SFMBT1: variants seen among roughly 807,000 people sequenced by gnomAD.
The protein encoded by SFMBT1 is scm-like with four MBT domains protein 1.
SFMBT1 carries 32 observed loss-of-function variants against 108.7 expected under a neutral mutation model. The observed-to-expected ratio is 0.29, with a 90% CI of 0.22 to 0.40. The LOEUF (loss-of-function observed/expected upper bound fraction) is 0.40, where lower values mean the gene tolerates loss of function less well. Ranked by LOEUF, SFMBT1 falls within the 10% of genes least tolerant of loss-of-function variation. The pLI, the probability that SFMBT1 is intolerant of heterozygous loss-of-function variation, is 1.00. For missense variants in SFMBT1, 816 were observed against 1,059.6 expected (o/e 0.77, Z 3.19); for synonymous variants, 348 against 369.5 (o/e 0.94, Z 0.67).
rs535696365 is a variant in SFMBT1, at chr3:52,993,360, C to T, written c.-130-24102G>A. On this transcript the variant is annotated intron_variant, in intron 1 of 20. Coordinates refer to ENST00000394752, the MANE Select transcript of SFMBT1 (RefSeq NM_016329.4). The stretch of plus-strand genomic sequence containing the variant: ...TAAAAGTCCATTTTAAACCAAATTA[C>T]TTCAAAATTTGACCTATATTACATC... 4.2e-4 allele frequency among the ~76,000 whole-genome samples: 63 copies of T among 150,302 alleles called. 1 individual carries two copies. Among genetic ancestry groups the T allele is most frequent in the African/African-American group, 1.5e-3 (61 of 41,416 alleles).
chr3:52,980,729 C>T (rs1195621327), intron 1 of SFMBT1, among the ~76,000 whole-genome samples: 1 of 151,742 alleles, frequency 6.6e-6, no homozygotes, highest in Non-Finnish European at 1.5e-5. Flanking sequence ...GCAAAAACCT[C>T]GCATTTTGTG....
chr3:53,036,212 T>G (rs1216470033), intron 1 of SFMBT1, among the ~76,000 whole-genome samples: 1 of 152,222 alleles, frequency 6.6e-6, no homozygotes, highest in East Asian at 1.9e-4. Context: ...CCGCCAGTCC[T>G]GCCTGGGAGG....
chr3:52,993,455 C>T (rs1222592139), intron 1 of SFMBT1, among the ~76,000 whole-genome samples: 1 of 150,204 alleles, frequency 6.7e-6, no homozygotes, highest in Non-Finnish European at 1.5e-5. Context: ...CTTTATAAAA[C>T]ACATAATCTT....
At chr3:53,033,765 A>G (rs1209784803) in intron 1 of SFMBT1, among the ~76,000 whole-genome samples, 1 of 147,928 alleles carries the variant, frequency 6.8e-6, no homozygotes, top group Non-Finnish European at 1.5e-5. Flanking sequence ...CACACCAAAA[A>G]AGACAAAAAA....
At chr3:53,024,546 C>T (rs377468607) in intron 1 of SFMBT1, among the ~76,000 whole-genome samples, 171 of 152,326 alleles carry the variant, frequency 1.1e-3, no homozygotes, top group Middle Eastern at 6.8e-3. Context: ...ATCTGACTCA[C>T]TTGCTAACAG....
At position 53,023,714 on chromosome 3, in the gene SFMBT1, G is replaced by A. The variant is rs960050304; in HGVS notation, c.-131+22102C>T. 2.0e-5 allele frequency among the ~76,000 whole-genome samples: 3 copies of A among 152,198 alleles called. No homozygotes were observed. The South Asian group carries it at 6.2e-4, about 31-fold the overall frequency. The stretch of plus-strand genomic sequence containing the variant: ...GTTGCAGCGAACTCCAGTAGCATCA[G>A]TGAGAAATGCGGGTTTGTGGGCTCT... On this transcript the variant is annotated intron_variant, in intron 1 of 20. Coordinates refer to ENST00000394752, the MANE Select transcript of SFMBT1 (RefSeq NM_016329.4).
chr3:52,977,239 G>A (rs1001420548), intron 1 of SFMBT1, among the ~76,000 whole-genome samples: 3 of 152,128 alleles, frequency 2.0e-5, no homozygotes, highest in Admixed American at 6.5e-5. Flanking sequence ...GGCTGGGAGC[G>A]GTGGCTAACG....
intron 1 of SFMBT1, among the ~76,000 whole-genome samples, chr3:52,985,372 A>G (rs1704868651): frequency 6.6e-6 from 1 of 152,252 alleles, no homozygotes; most frequent in South Asian, 2.1e-4. Flanking sequence ...TTTATCAAGA[A>G]AAAAGAAAAG....
chr3:52,907,888 G>A (rs991406090), intron 17 of SFMBT1, among the ~76,000 whole-genome samples, 155 bp from the exon 18 acceptor site: 4 of 152,046 alleles, frequency 2.6e-5, no homozygotes, highest in Admixed American at 1.3e-4. Flanking sequence ...TGAAGTGCAC[G>A]GTTTGACTAG....
rs1700221485 is a variant in SFMBT1, at chr3:53,045,840, C to G, written c.-155G>C. On this transcript the variant is annotated 5_prime_UTR_variant, in exon 1 of 21. Transcript: ENST00000394752. Reference sequence around the variant, plus strand: ...CCTGCCCGGAGTTTTCGCGCGCGCGCTCGCTCGATCGCTCGCTTTTCCCCC... The same window carrying G: ...CCTGCCCGGAGTTTTCGCGCGCGCGGTCGCTCGATCGCTCGCTTTTCCCCC... The G allele has an allele frequency of 6.6e-6, 1 of 150,676 alleles. No individual in the cohort carries two copies. The highest frequency in any genetic ancestry group is 3.4e-3 in the Middle Eastern group (1 of 294). 9.3% of individuals were successfully genotyped at this position (150,676 alleles called of 1,614,324 possible). A position where few individuals can be genotyped will look rare whatever the true frequency, so the allele number is the denominator to read the frequency against.
At chr3:52,924,750 T>C (rs1290743012) in intron 10 of SFMBT1, among the ~76,000 whole-genome samples, 2 of 152,166 alleles carry the variant, frequency 1.3e-5, no homozygotes, top group Admixed American at 1.3e-4. Context: ...TGGAGGTTGC[T>C]AAGAGGGATG....
intron 2 of SFMBT1, among the ~76,000 whole-genome samples, chr3:52,967,861 T>C (rs1389475774): frequency 6.6e-6 from 1 of 152,198 alleles, no homozygotes; most frequent in Admixed American, 6.5e-5. Context: ...AGAACTCTCA[T>C]ATACTGCTGG....
chr3:52,970,938 A>G (rs997970580), intron 1 of SFMBT1, among the ~76,000 whole-genome samples: 1 of 152,306 alleles, frequency 6.6e-6, no homozygotes, highest in East Asian at 1.9e-4. Context: ...GTGAAAGACC[A>G]GCCTGGGCAA....
At chr3:53,033,008 C>T (rs1699738436) in intron 1 of SFMBT1, among the ~76,000 whole-genome samples, 1 of 152,102 alleles carries the variant, frequency 6.6e-6, no homozygotes, top group Non-Finnish European at 1.5e-5. Context: ...AAAGACTCTG[C>T]CTTTTGAAGT....
chr3:52,962,657 T>G (rs568506833), intron 2 of SFMBT1, among the ~76,000 whole-genome samples: 1 of 151,932 alleles, frequency 6.6e-6, no homozygotes, highest in East Asian at 1.9e-4. Flanking sequence ...AATACAAAAA[T>G]TAGCCAGGTG....
chr3:52,935,876 T>TA (rs1241196364), intron 4 of SFMBT1, among the ~76,000 whole-genome samples: 1 of 152,172 alleles, frequency 6.6e-6, no homozygotes, highest in African/African-American at 2.4e-5. Flanking sequence ...TACTCCACAT[T>TA]TATTGAGACC....
At chr3:52,946,346 T>TC (rs1404546337) in intron 3 of SFMBT1, among the ~76,000 whole-genome samples, 1 of 152,208 alleles carries the variant, frequency 6.6e-6, no homozygotes, top group Admixed American at 6.5e-5. Flanking sequence ...TAAAAAGTCC[T>TC]CCCCCGCTAG....
At chr3:52,949,017 T>C (rs1289699081) in intron 3 of SFMBT1, among the ~76,000 whole-genome samples, 1 of 151,916 alleles carries the variant, frequency 6.6e-6, no homozygotes, top group Admixed American at 6.6e-5. Context: ...CTGATGTTAC[T>C]GCATTTTCAT....
At chr3:52,948,075 A>T (rs1397600687) in intron 3 of SFMBT1, among the ~76,000 whole-genome samples, 1 of 152,224 alleles carries the variant, frequency 6.6e-6, no homozygotes, top group Non-Finnish European at 1.5e-5. Context: ...CCTATCTTTA[A>T]AGGTCATAAG....
Sources: allele counts gnomAD v4.1 joint callset (sites outside exome capture counted in the v4.1 genomes callset), GRCh38; gene constraint gnomAD v4.1.1; transcripts MANE v1.5; gene names NCBI Gene and HGNC (gene_info 2026-07-23, HGNC 2026-07-21).